The following KIAA1958 variants were observed in gnomAD, a reference collection of about 807,000 sequenced individuals.
KIAA1958 encodes uncharacterized protein KIAA1958.
In KIAA1958, 14 loss-of-function variants were observed where a neutral mutation model predicts 47.2. The observed-to-expected ratio is 0.30, with a 90% CI of 0.20 to 0.46. KIAA1958 has a LOEUF of 0.46. Ranked by LOEUF, KIAA1958 falls within the 20% of genes least tolerant of loss-of-function variation. KIAA1958 has a pLI of 1.00. For synonymous variants in KIAA1958, 354 were observed against 353.3 expected (o/e 1.00, Z -0.02); for missense variants, 803 against 909.2 (o/e 0.88, Z 1.50).
chr9:112,660,210 C>T lies in KIAA1958; in HGVS notation c.*141C>T, dbSNP rs1455859894. The T allele has an allele frequency of 1.5e-6, 1 of 655,220 alleles. No homozygotes were observed. The highest frequency in any genetic ancestry group is 1.8e-5 in the African/African-American group (1 of 54,934). The allele number at this position is 655,220 out of a possible 1,614,324, so 40.6% of individuals were successfully genotyped here. On this transcript the variant is annotated 3_prime_UTR_variant, in exon 4 of 4. Coordinates refer to ENST00000337530, the MANE Select transcript of KIAA1958 (RefSeq NM_133465.4). ...TCTCCCCTGGTGTGGCCTGCCCTCC[C>T]TTTGACTTGGGGTTTGCTTTTTAAA...
intron 1 of KIAA1958, among the ~76,000 whole-genome samples, chr9:112,492,982 G>T (rs1833995701): frequency 6.7e-6 from 1 of 150,258 alleles, no homozygotes; most frequent in African/African-American, 2.5e-5. Context: ...GAACTCCTGG[G>T]CTCATGATAT....
intron 1 of KIAA1958, among the ~76,000 whole-genome samples, chr9:112,562,153 T>C (rs1197786451): frequency 6.6e-6 from 1 of 152,202 alleles, no homozygotes. Flanking sequence ...TGTGTATTAT[T>C]CTCTGTAGTT....
At chr9:112,657,379 AC>A (rs1335483931) in intron 3 of KIAA1958, among the ~76,000 whole-genome samples, 1 of 152,216 alleles carries the variant, frequency 6.6e-6, no homozygotes, top group African/African-American at 2.4e-5. Flanking sequence ...GGCATGAGCC[AC>A]CATGCCCAAC....
At chr9:112,658,105 C>T (rs1212888609) in intron 3 of KIAA1958, among the ~76,000 whole-genome samples, 1 of 152,172 alleles carries the variant, frequency 6.6e-6, no homozygotes, top group African/African-American at 2.4e-5. Context: ...GATCTGCCCA[C>T]CTTGGCCTCT....
rs774484800 is a variant in KIAA1958 at position 112,574,291 on chromosome 9, A to G, written c.211A>G (p.Arg71Gly). The change falls in exon 2 of 4, where the codon AGG (arginine) becomes GGG (glycine). Residue 71 changes from arginine to glycine, a missense_variant. This residue lies in a region of KIAA1958 where 761 missense variants were observed against 829.3 expected (regional missense o/e 0.92). Coordinates refer to ENST00000337530, the MANE Select transcript of KIAA1958 (RefSeq NM_133465.4). Reference sequence around the variant, plus strand: ...TACTTGCAGAGCTGGGTCCCAAGAGAGGGTCTGTTTCCAGGATAACAGAAG... The same window carrying G: ...TACTTGCAGAGCTGGGTCCCAAGAGGGGGTCTGTTTCCAGGATAACAGAAG... ...TATCRAGSQE[R>G]VCFQDNRSFN... 5.6e-6 allele frequency: 9 copies of G among 1,614,140 alleles called. No homozygotes were observed. In the South Asian group the frequency reaches 6.6e-5, roughly 12 times the overall value.
intron 1 of KIAA1958, among the ~76,000 whole-genome samples, chr9:112,488,914 C>A (rs1833915565): frequency 6.6e-6 from 1 of 152,084 alleles, no homozygotes; most frequent in Non-Finnish European, 1.5e-5. Flanking sequence ...TTTGTAAATG[C>A]CTGGAGCGTA....
intron 1 of KIAA1958, among the ~76,000 whole-genome samples, chr9:112,504,119 G>C (rs1834193374): frequency 6.6e-6 from 1 of 151,928 alleles, no homozygotes; most frequent in Non-Finnish European, 1.5e-5. Flanking sequence ...AATCATCTAA[G>C]GAGTTGTTGG....
At chr9:112,623,771 C>A (rs1836551473) in intron 2 of KIAA1958, among the ~76,000 whole-genome samples, 1 of 152,104 alleles carries the variant, frequency 6.6e-6, no homozygotes, top group Admixed American at 6.5e-5. Flanking sequence ...CAAGAGAGTC[C>A]TTTATAATTC....
chr9:112,604,737 TATC>T (rs1387160213), intron 2 of KIAA1958, among the ~76,000 whole-genome samples: 1 of 152,022 alleles, frequency 6.6e-6, no homozygotes, highest in Non-Finnish European at 1.5e-5. Flanking sequence ...CTCCCCTTCT[TATC>T]ATACTCAAGT....
chr9:112,627,646 T>TG (rs1293799089), intron 2 of KIAA1958, among the ~76,000 whole-genome samples: 5 of 152,178 alleles, frequency 3.3e-5, no homozygotes, highest in Admixed American at 6.5e-5. Flanking sequence ...CCCAGCTACT[T>TG]GGGAGGCTGA....
intron 1 of KIAA1958, among the ~76,000 whole-genome samples, chr9:112,515,991 A>C (rs977057727): frequency 6.6e-6 from 1 of 152,020 alleles, no homozygotes; most frequent in Non-Finnish European, 1.5e-5. Flanking sequence ...AAGGAAGATA[A>C]AGGAAAAGAA....
At chr9:112,651,248 C>G (rs1359312597) in intron 3 of KIAA1958, among the ~76,000 whole-genome samples, 2 of 151,990 alleles carry the variant, frequency 1.3e-5, no homozygotes, top group Non-Finnish European at 2.9e-5. Flanking sequence ...ATTCACCAAA[C>G]TAGACCAGTA....
At chr9:112,628,046 A>C (rs979266877) in intron 2 of KIAA1958, among the ~76,000 whole-genome samples, 1 of 152,326 alleles carries the variant, frequency 6.6e-6, no homozygotes, top group Middle Eastern at 3.4e-3. Flanking sequence ...GAATACCACT[A>C]TACTTTTATT....
At position 112,487,046 on chromosome 9, in the gene KIAA1958, C is replaced by T. The variant is rs1833866440; in HGVS notation, c.-97C>T. 1 of 217,602 alleles carries T rather than the reference C, an allele frequency of 4.6e-6. No homozygotes were observed. Among genetic ancestry groups the T allele is most frequent in the Non-Finnish European group, 9.3e-6 (1 of 107,528 alleles). The allele number at this position is 217,602 out of a possible 1,614,324, so 13.5% of individuals were successfully genotyped here. ...GCCCCTTCGGCCCGTCCCGTCCAGC[C>T]CGGGCTGCCCGGCTCTCGCAGGCCC... On this transcript the variant is annotated 5_prime_UTR_variant, in exon 1 of 4. Transcript: ENST00000337530.
At chr9:112,622,852 A>G (rs1288254317) in intron 2 of KIAA1958, among the ~76,000 whole-genome samples, 1 of 152,218 alleles carries the variant, frequency 6.6e-6, no homozygotes. Flanking sequence ...TCACATCAAC[A>G]GTATTTATTG....
chr9:112,544,504 A>T (rs1191193289), intron 1 of KIAA1958, among the ~76,000 whole-genome samples: 1 of 152,036 alleles, frequency 6.6e-6, no homozygotes, highest in Non-Finnish European at 1.5e-5. Context: ...TGGTTCAGTT[A>T]TGAATAAATA....
At chr9:112,499,340 G>C (rs958447076) in intron 1 of KIAA1958, among the ~76,000 whole-genome samples, 2 of 152,078 alleles carry the variant, frequency 1.3e-5, no homozygotes, top group South Asian at 4.1e-4. Flanking sequence ...CTTCTATATG[G>C]TTTTCTATAA....
rs137869826 is a variant in KIAA1958 at position 112,501,045 on chromosome 9, G to A, written c.-25+13927G>A. 2.7e-3 allele frequency among the ~76,000 whole-genome samples: 406 copies of A among 152,032 alleles called. 8 individuals are homozygous for A. The highest frequency in any genetic ancestry group is 0.023 in the Admixed American group (358 of 15,264). On this transcript the variant is annotated intron_variant, in intron 1 of 3. Coordinates refer to ENST00000337530, the MANE Select transcript of KIAA1958 (RefSeq NM_133465.4). ...AGGCTGAAGTGGGAGGATCTCTTGA[G>A]CCTAGGAGGGTTGAGGCTGCAGTGA... is the stretch of plus-strand genomic sequence containing the variant.
chr9:112,508,255 TTTAAC>T (rs1183166549), intron 1 of KIAA1958, among the ~76,000 whole-genome samples: 2 of 152,322 alleles, frequency 1.3e-5, no homozygotes, highest in African/African-American at 4.8e-5. Context: ...CAGAAATCCA[TTTAAC>T]TTGCTTTTTC....
Sources: gnomAD v4.1 joint callset for allele counts (sites outside exome capture counted in the v4.1 genomes callset) on GRCh38, gnomAD v4.1.1 for gene constraint, gnomAD v4.1.1 regional missense constraint, MANE v1.5 for transcripts, NCBI Gene and HGNC (gene_info 2026-07-23, HGNC 2026-07-21) for gene names.